The following MEGF6 variants were observed in gnomAD, a reference collection of about 807,000 sequenced individuals.
MEGF6 encodes multiple EGF like domains 6, also known as multiple epidermal growth factor-like domains protein 6.
A neutral mutation model predicts 207.1 loss-of-function variants in MEGF6; 184 were observed. The ratio of observed to expected loss-of-function variants is 0.89; its 90% CI spans 0.79 to 1.00. The LOEUF (loss-of-function observed/expected upper bound fraction) is 1.00, where lower values mean the gene tolerates loss of function less well. MEGF6 is among the 50% of genes least tolerant of loss of function. The pLI is 0.00. For missense variants in MEGF6, 2,282 were observed against 2,202.9 expected (o/e 1.04, Z -0.72); for synonymous variants, 1,038 against 910.0 (o/e 1.14, Z -2.53).
chr1:3,548,391 G>A (rs551998476), intron 4 of MEGF6, among the ~76,000 whole-genome samples: 7 of 152,382 alleles, frequency 4.6e-5, no homozygotes, highest in Non-Finnish European at 2.9e-5. Flanking sequence ...GCGGAATGCA[G>A]GCCAGCCGTC....
rs755815789 is a variant in MEGF6, at chr1:3,505,546, C to T, written c.1929G>A (p.Pro643=). 2.1e-5 allele frequency: 33 copies of T among 1,580,928 alleles called. No individual in the cohort carries two copies. Among genetic ancestry groups the T allele is most frequent in the East Asian group, 6.9e-5 (3 of 43,564 alleles). The change falls in exon 16 of 37, where the codon CCG becomes CCA. Residue 643 remains proline (P), a synonymous_variant. Transcript: ENST00000356575. The part of the protein sequence containing the change: ...YGRFCHLTCP[P]WAFGPGCSEE... ...CCGAGCAGCCCGGCCCAAAGGCCCA[C>T]GGCGGGCAGGCTGCACCCACAGAAC...
At position 3,508,562 on chromosome 1, in the gene MEGF6, A is replaced by G. The variant is rs755526026; in HGVS notation, c.1656T>C (p.Asn552=). 2 of 1,612,442 alleles carry G rather than the reference A, an allele frequency of 1.2e-6. No homozygotes were observed. The highest frequency in any genetic ancestry group is 1.1e-5 in the South Asian group (1 of 90,920). ...GCCCCTGCCCAGCTGCCTCACTCTCATTGCAGATGAGCCCAGTCCAGCCCT... is the reference window on the plus strand; with the variant it reads ...GCCCCTGCCCAGCTGCCTCACTCTCGTTGCAGATGAGCCCAGTCCAGCCCT... The part of the protein sequence containing the change: ...CPEGWTGLIC[N]ETCPPDTFGK... Residue 552 remains asparagine, a synonymous_variant, in exon 13 of 37, where the codon AAT becomes AAC. Coordinates refer to ENST00000356575, the MANE Select transcript of MEGF6 (RefSeq NM_001409.4).
chr1:3,508,273 TG>T (rs1345885978), intron 13 of MEGF6, among the ~76,000 whole-genome samples: 2 of 152,362 alleles, frequency 1.3e-5, no homozygotes, highest in African/African-American at 4.8e-5. Context: ...TTTGCTGGCT[TG>T]CTTGTTGCTG....
intron 4 of MEGF6, among the ~76,000 whole-genome samples, chr1:3,525,474 G>A (rs932602349): frequency 6.6e-6 from 1 of 152,252 alleles, no homozygotes; most frequent in Non-Finnish European, 1.5e-5. Context: ...ACACCTCGCA[G>A]GACCCTTGTC....
chr1:3,498,868 G>A, intron 24 of MEGF6, 42 bp from the exon 25 acceptor site: 1 of 1,541,810 alleles, frequency 6.5e-7, no homozygotes, highest in Non-Finnish European at 8.8e-7. Flanking sequence ...CCCCCAGCCA[G>A]CTGGCCCCAC....
intron 4 of MEGF6, among the ~76,000 whole-genome samples, chr1:3,532,399 G>T (rs562352618): frequency 3.9e-5 from 6 of 152,364 alleles, no homozygotes; most frequent in African/African-American, 1.2e-4. Flanking sequence ...AGATGGAAGA[G>T]CTGTGACCAG....
upstream of MEGF6, among the ~76,000 whole-genome samples, chr1:3,613,744 A>G (rs114044873): frequency 6.6e-6 from 1 of 152,336 alleles, no homozygotes; most frequent in African/African-American, 2.4e-5. Context: ...TTATTTTACA[A>G]AAATACTCGG....
At chr1:3,621,309 C>T in the MEGF6 span, among the ~76,000 whole-genome samples, 4 of 152,238 alleles carry the variant, frequency 2.6e-5, no homozygotes, top group African/African-American at 7.2e-5. Context: ...TCTTCCCAGA[C>T]GCTGGTGTTA....
rs936388019 is a variant in MEGF6, at chr1:3,565,962, T to C, written c.481+13863A>G. 2.0e-5 allele frequency among the ~76,000 whole-genome samples: 3 copies of C among 152,164 alleles called. No individual in the cohort carries two copies. Among genetic ancestry groups the C allele is most frequent in the Non-Finnish European group, 4.4e-5 (3 of 68,004 alleles). ...GGGTCAGCTGCTATAGGACCCGCCG[T>C]GGACCACTGCCCTGCAGGTTCATAG... On this transcript the variant is annotated intron_variant, in intron 4 of 36. Transcript: ENST00000356575. This position sits in a 1 kb window ranked among gnomAD's most constrained non-coding sequence, Gnocchi z 4.8.
At chr1:3,538,073 G>T (rs182772946) in intron 4 of MEGF6, among the ~76,000 whole-genome samples, 1 of 152,150 alleles carries the variant, frequency 6.6e-6, no homozygotes, top group African/African-American at 2.4e-5. Context: ...ATCTGCCTTC[G>T]TGGGCTCAAG....
At chr1:3,514,488 C>T (rs775779471) in intron 7 of MEGF6, 62 bp downstream of exon 7, 30 of 1,520,038 alleles carry the variant, frequency 2.0e-5, no homozygotes, top group Non-Finnish European at 2.6e-5. Context: ...ACGGGTCCCT[C>T]CACAGCACCT....
intron 25 of MEGF6, 30 bp downstream of exon 25, chr1:3,498,668 T>A: frequency 6.5e-7 from 1 of 1,528,250 alleles, no homozygotes; most frequent in East Asian, 2.4e-5. Context: ...CATGCTGGGG[T>A]ATGTCCCTCC....
At chr1:3,575,380 G>A (rs1264972298) in intron 4 of MEGF6, among the ~76,000 whole-genome samples, 2 of 152,124 alleles carry the variant, frequency 1.3e-5, no homozygotes, top group Non-Finnish European at 1.5e-5. Flanking sequence ...TCGCTCCTTT[G>A]CAGACCCACA....
intron 1 of MEGF6, among the ~76,000 whole-genome samples, chr1:3,603,078 C>A (rs78970717): frequency 0.01 from 1,575 of 152,272 alleles, 34 homozygotes; most frequent in East Asian, 0.095. Flanking sequence ...GTGAAGTCAG[C>A]GGCTCCCCGG....
intron 30 of MEGF6, 80 bp from the exon 31 acceptor site, chr1:3,494,821 CAGT>C: frequency 6.9e-7 from 1 of 1,456,418 alleles, no homozygotes. Flanking sequence ...CACAGGCTGA[CAGT>C]CACTCGGTAA....
chr1:3,602,577 T>C lies in MEGF6; in HGVS notation c.155A>G (p.Glu52Gly), dbSNP rs1644177929. Residue 52 changes from glutamate (E) to glycine (G), a missense_variant, in exon 2 of 37, where the codon GAG becomes GGG. Transcript: ENST00000356575. The part of the protein sequence containing the change: ...PGMPHVCAEQ[E>G]LTLVGRRQPC... ...CTGGCGGCGGCCCACCAGGGTCAGCTCCTGCTCAGCACACACGTGGGGCCT... is the reference window on the plus strand; with the variant it reads ...CTGGCGGCGGCCCACCAGGGTCAGCCCCTGCTCAGCACACACGTGGGGCCT... The C allele has an allele frequency of 6.2e-7, 1 of 1,611,592 alleles. No homozygotes were observed. The highest frequency in any genetic ancestry group is 1.3e-5 in the African/African-American group (1 of 74,840).
At chr1:3,591,048 C>T (rs545753150) in intron 3 of MEGF6, among the ~76,000 whole-genome samples, 2 of 152,166 alleles carry the variant, frequency 1.3e-5, no homozygotes, top group Non-Finnish European at 1.5e-5. Context: ...CTCAGCAGAC[C>T]CCACAGAGGC....
At chr1:3,501,725 A>G (rs1054979213) in intron 18 of MEGF6, 71 bp downstream of exon 18, 59 of 1,545,444 alleles carry the variant, frequency 3.8e-5, no homozygotes, top group Admixed American at 1.9e-4. Context: ...GGGCCCCCAC[A>G]GTTCAGGGCC....
chr1:3,491,018 A>G, intron 35 of MEGF6, 59 bp from the exon 36 acceptor site: 1 of 1,486,814 alleles, frequency 6.7e-7, no homozygotes, highest in Non-Finnish European at 9.0e-7. Flanking sequence ...AGCCACAGTA[A>G]TGGCAGCAAG....
Sources: gnomAD v4.1 joint callset for allele counts (sites outside exome capture counted in the v4.1 genomes callset) on GRCh38, gnomAD v4.1.1 for gene constraint, Gnocchi (gnomAD v3.1) non-coding constraint, MANE v1.5 for transcripts, NCBI Gene and HGNC (gene_info 2026-07-23, HGNC 2026-07-21) for gene names.